The following AJAP1 variants were observed in gnomAD, a reference collection of about 807,000 sequenced individuals.
AJAP1 encodes adherens junction-associated protein 1.
A neutral mutation model predicts 35.0 loss-of-function variants in AJAP1; 5 were observed. The ratio of observed to expected loss-of-function variants is 0.14; its 90% CI spans 0.07 to 0.30. The LOEUF (loss-of-function observed/expected upper bound fraction) is 0.30. Among genes scored for constraint, AJAP1 ranks in the 10% least tolerant of loss-of-function variants. The pLI is 1.00. For synonymous variants in AJAP1, 284 were observed against 249.3 expected, an observed-to-expected ratio of 1.14 and a Z score of -1.31; for missense variants, 586 against 571.0, an observed-to-expected ratio of 1.03 and a Z score of -0.27.
Position 4,782,495 on chromosome 1 carries a change from C to T in AJAP1, c.*60-50C>T, listed in dbSNP as rs565963001. 4.0e-4 allele frequency: 134 copies of T among 333,014 alleles called. No individual in the cohort carries two copies. Among genetic ancestry groups the T allele is most frequent in the African/African-American group, 2.5e-3 (121 of 47,598 alleles). The allele number at this position is 333,014 out of a possible 1,614,324, so 20.6% of individuals were successfully genotyped here. A position where few individuals can be genotyped will look rare whatever the true frequency, so the allele number is the denominator to read the frequency against. On this transcript the variant is annotated intron_variant, in intron 5 of 5. Coordinates refer to ENST00000378191, the MANE Select transcript of AJAP1 (RefSeq NM_018836.4). The surrounding 1 kb of genome is among the most constrained non-coding windows in gnomAD (Gnocchi z 5.3). ...GACCGAGAACCCCACAGACTTGTCGCGCCCTCGGCGTGCTGCCATTTAATC... is the reference window on the plus strand; with the variant it reads ...GACCGAGAACCCCACAGACTTGTCGTGCCCTCGGCGTGCTGCCATTTAATC...
At position 4,655,243 on chromosome 1, in the gene AJAP1, G is replaced by A. The variant is rs1219153773; in HGVS notation, c.-183G>A. 1 of 199,730 alleles carries A rather than the reference G, an allele frequency of 5.0e-6. No homozygotes were observed. The highest frequency in any genetic ancestry group is 8.9e-6 in the Non-Finnish European group (1 of 112,936). The allele number at this position is 199,730 out of a possible 1,614,324, so 12.4% of individuals were successfully genotyped here. On this transcript the variant is annotated 5_prime_UTR_variant, in exon 1 of 6. Transcript: ENST00000378191. This position sits in a 1 kb window ranked among gnomAD's most constrained non-coding sequence, Gnocchi z 6.9. Reference sequence around the variant, plus strand: ...GCGCCCCAACGGCGGCGGCGCGCCGGCCGGCATGGAGCCCCGCGCGGCCGC... The same window carrying A: ...GCGCCCCAACGGCGGCGGCGCGCCGACCGGCATGGAGCCCCGCGCGGCCGC...
At chr1:4,687,642 A>G (rs1000493855) in intron 1 of AJAP1, among the ~76,000 whole-genome samples, 1 of 152,020 alleles carries the variant, frequency 6.6e-6, no homozygotes, top group African/African-American at 2.4e-5. Context: ...GATTGTGATG[A>G]CTCGAGCCAC....
chr1:4,714,799 G>C (rs1331218542), intron 2 of AJAP1, among the ~76,000 whole-genome samples: 12 of 152,292 alleles, frequency 7.9e-5, no homozygotes, highest in Non-Finnish European at 1.5e-4. Flanking sequence ...TCAGGGCTAG[G>C]CCACCATCCT....
Position 4,712,508 on chromosome 1 carries a change from A to G in AJAP1, c.638A>G (p.Lys213Arg). 6.2e-7 allele frequency: 1 copy of G among 1,612,854 alleles called. No homozygotes were observed. Residue 213 changes from lysine (K) to arginine (R), a missense_variant, in exon 2 of 6, where the codon AAG (lysine) becomes AGG (arginine). Coordinates refer to ENST00000378191, the MANE Select transcript of AJAP1 (RefSeq NM_018836.4). ...PTTVSILQTR[K>R]TTVAATTTTT... The stretch of plus-strand genomic sequence containing the variant: ...ACGGTCTCCATCCTACAAACACGGA[A>G]GACAACTGTGGCCGCCACCACCACC...
In AJAP1 at chr1:4,711,921, G is replaced by C. The variant is rs566618227; in HGVS notation, c.51G>C (p.Pro17=). 4 of 1,513,414 alleles carry C rather than the reference G, an allele frequency of 2.6e-6. No homozygotes were observed. The South Asian group carries it at 5.2e-5, about 20-fold the overall frequency. 93.7% of individuals were successfully genotyped at this position (1,513,414 alleles called of 1,614,324 possible). ...ACAGCTCCATGTCCATCCGCTGGCC[G>C]GGCCGCCCCCTCGGAAGCCATGCCT... The part of the protein sequence containing the change: ...LGLSSMSIRW[P]GRPLGSHAWI... Residue 17 remains proline, a synonymous_variant, in exon 2 of 6, where the codon CCG becomes CCC. Transcript: ENST00000378191.
At position 4,655,338 on chromosome 1, in the gene AJAP1, C is replaced by A. The variant is rs1638853484; in HGVS notation, c.-88C>A. 4.8e-6 allele frequency: 6 copies of A among 1,254,426 alleles called. No individual in the cohort carries two copies. The highest frequency in any genetic ancestry group is 1.0e-6 in the Non-Finnish European group (1 of 959,924). 77.7% of individuals were successfully genotyped at this position (1,254,426 alleles called of 1,614,324 possible). On this transcript the variant is annotated 5_prime_UTR_variant, in exon 1 of 6. Coordinates refer to ENST00000378191, the MANE Select transcript of AJAP1 (RefSeq NM_018836.4). This position sits in a 1 kb window ranked among gnomAD's most constrained non-coding sequence, Gnocchi z 6.9. ...CGGCGGACCGAGAGCCGGAGACCGG[C>A]GCCGCGGGACGGAAGCGAGCGGGCG... is the stretch of plus-strand genomic sequence containing the variant.
intron 1 of AJAP1, among the ~76,000 whole-genome samples, chr1:4,703,718 T>A (rs1640038998): frequency 6.6e-6 from 1 of 152,178 alleles, no homozygotes; most frequent in African/African-American, 2.4e-5. Flanking sequence ...GGGTTGGGTA[T>A]GGCCAACACA....
chr1:4,711,339 C>A (rs890941948), intron 1 of AJAP1, among the ~76,000 whole-genome samples: 8 of 152,148 alleles, frequency 5.3e-5, no homozygotes, highest in Admixed American at 1.3e-4. Flanking sequence ...GCTCACGCTG[C>A]GAGGTTTCAA....
At chr1:4,708,944 G>A (rs1640161676) in intron 1 of AJAP1, among the ~76,000 whole-genome samples, 1 of 152,138 alleles carries the variant, frequency 6.6e-6, no homozygotes, top group Non-Finnish European at 1.5e-5. Context: ...ACTTGAAGAG[G>A]AAAAACAAAT....
At chr1:4,687,480 G>A (rs1051645105) in intron 1 of AJAP1, among the ~76,000 whole-genome samples, 1 of 152,190 alleles carries the variant, frequency 6.6e-6, no homozygotes, top group African/African-American at 2.4e-5. Context: ...CCTCTGGGCT[G>A]GGACCAAGAC....
At chr1:4,672,592 C>G (rs367892753) in intron 1 of AJAP1, among the ~76,000 whole-genome samples, 5 of 152,186 alleles carry the variant, frequency 3.3e-5, no homozygotes, top group Non-Finnish European at 7.3e-5. Flanking sequence ...TTCCATTGCA[C>G]TCCTGAGCTG....
chr1:4,686,173 T>A (rs1639600295), intron 1 of AJAP1, among the ~76,000 whole-genome samples: 1 of 152,186 alleles, frequency 6.6e-6, no homozygotes, highest in African/African-American at 2.4e-5. Flanking sequence ...GCCAGTAGTG[T>A]CTCCTCACTG....
rs1642204862 is a variant in AJAP1 at position 4,788,532 on chromosome 1, C to T, written c.*6047C>T. 6.6e-6 allele frequency: 1 copy of T among 152,326 alleles called. No homozygotes were observed. Among genetic ancestry groups the T allele is most frequent in the South Asian group, 2.1e-4 (1 of 4,830 alleles). 9.4% of individuals were successfully genotyped at this position (152,326 alleles called of 1,614,324 possible). A position where few individuals can be genotyped will look rare whatever the true frequency, so the allele number is the denominator to read the frequency against. Reference sequence around the variant, plus strand: ...GAAACTTAACTCTTTGCACAACCTCCCTTTATGCTGAAGGGCCCTTGGGAA... The same window carrying T: ...GAAACTTAACTCTTTGCACAACCTCTCTTTATGCTGAAGGGCCCTTGGGAA... On this transcript the variant is annotated 3_prime_UTR_variant, in exon 6 of 6. Coordinates refer to ENST00000378191, the MANE Select transcript of AJAP1 (RefSeq NM_018836.4).
rs1432089810 is a variant in AJAP1 at position 4,655,776 on chromosome 1, C to T, written c.29+322C>T. On this transcript the variant is annotated intron_variant, in intron 1 of 5. Transcript: ENST00000378191. The surrounding 1 kb of genome is among the most constrained non-coding windows in gnomAD (Gnocchi z 6.9). ...AGCAGCGCAGTGTCCTGGCCGGCTG[C>T]CCCGGCGCGCCTCCTCCCCGGGGCC... Among the ~76,000 whole-genome samples the T allele has an allele frequency of 2.7e-5, 4 of 149,046 alleles. No individual in the cohort carries two copies. The East Asian group carries it at 8.0e-4, about 30-fold the overall frequency.
chr1:4,714,954 G>A (rs1160430631), intron 2 of AJAP1, among the ~76,000 whole-genome samples: 2 of 152,182 alleles, frequency 1.3e-5, no homozygotes, highest in Non-Finnish European at 2.9e-5. Flanking sequence ...GTACTTGCTG[G>A]TGATGCAGGA....
intron 1 of AJAP1, among the ~76,000 whole-genome samples, chr1:4,698,109 A>G (rs2071997): frequency 0.071 from 10,833 of 152,218 alleles, 606 homozygotes; most frequent in East Asian, 0.29. Context: ...TGAAGATGAG[A>G]CAGAACCACG....
chr1:4,687,562 G>A (rs1385138868), intron 1 of AJAP1, among the ~76,000 whole-genome samples: 2 of 152,190 alleles, frequency 1.3e-5, no homozygotes, highest in African/African-American at 2.4e-5. Context: ...GGAGTTTCAG[G>A]GGAGGACAGT....
chr1:4,673,056 A>T (rs1001862663), intron 1 of AJAP1, among the ~76,000 whole-genome samples: 4 of 152,192 alleles, frequency 2.6e-5, no homozygotes, highest in Non-Finnish European at 5.9e-5. Context: ...AAGGAACTGG[A>T]TTCTGCTGAC....
chr1:4,663,545 C>T (rs184014861), intron 1 of AJAP1, among the ~76,000 whole-genome samples: 13 of 152,298 alleles, frequency 8.5e-5, no homozygotes, highest in African/African-American at 2.9e-4. Flanking sequence ...GAACCCATGG[C>T]GCCCAGGCAC....
Sources: gnomAD v4.1 joint callset for allele counts (sites outside exome capture counted in the v4.1 genomes callset) on GRCh38, gnomAD v4.1.1 for gene constraint, Gnocchi (gnomAD v3.1) non-coding constraint, MANE v1.5 for transcripts, NCBI Gene and HGNC (gene_info 2026-07-23, HGNC 2026-07-21) for gene names.